Variants in DPP10 observed in about 807,000 individuals in gnomAD.
DPP10 encodes the protein dipeptidyl peptidase like 10.
In DPP10, 33 loss-of-function variants were observed where a neutral mutation model predicts 120.9. The observed-to-expected ratio is 0.27, with a 90% CI of 0.21 to 0.37. The LOEUF is 0.37. DPP10 is among the 10% of genes least tolerant of loss of function. The probability of loss-of-function intolerance (pLI) is 1.00; values close to 1 mark genes in which losing one functional copy is unlikely to be tolerated. For missense variants in DPP10, 816 were observed against 942.8 expected (o/e 0.87, Z 1.76); for synonymous variants, 337 against 326.1 (o/e 1.03, Z -0.36).
At chr2:114,863,581 C>G (rs1247962089) in intron 1 of DPP10, among the ~76,000 whole-genome samples, 2 of 152,082 alleles carry the variant, frequency 1.3e-5, no homozygotes, top group South Asian at 4.1e-4. Flanking sequence ...GATCCAACAC[C>G]AGACACATGG....
At chr2:114,497,292 TA>T in intron 1 of DPP10, among the ~76,000 whole-genome samples, 1 of 56,210 alleles carries the variant, frequency 1.8e-5, no homozygotes, top group African/African-American at 5.3e-5. Context: ...TGTATACATG[TA>T]CATGTATACG....
intron 1 of DPP10, among the ~76,000 whole-genome samples, chr2:114,908,277 T>A (rs1007183092): frequency 6.6e-6 from 1 of 152,024 alleles, no homozygotes; most frequent in Non-Finnish European, 1.5e-5. Flanking sequence ...TCACTCTTGA[T>A]TGGATTATTC....
intron 13 of DPP10, among the ~76,000 whole-genome samples, chr2:115,774,785 TTC>T (rs1681897591): frequency 6.6e-6 from 1 of 152,006 alleles, no homozygotes; most frequent in South Asian, 2.1e-4. Flanking sequence ...CAAAGGAAGA[TTC>T]TGTTAGTACA....
At chr2:115,382,190 C>T (rs2066436510) in intron 3 of DPP10, among the ~76,000 whole-genome samples, 1 of 152,172 alleles carries the variant, frequency 6.6e-6, no homozygotes, top group Non-Finnish European at 1.5e-5. Context: ...TCTCAGACTG[C>T]TGTGCTATCA....
chr2:115,535,365 A>G (rs1200131528), intron 5 of DPP10, among the ~76,000 whole-genome samples: 1 of 151,862 alleles, frequency 6.6e-6, no homozygotes, highest in African/African-American at 2.4e-5. Context: ...TTTATTAAAT[A>G]GGGAATCCTT....
chr2:115,473,684 C>A (rs1360395880), intron 3 of DPP10, among the ~76,000 whole-genome samples: 1 of 152,172 alleles, frequency 6.6e-6, no homozygotes, highest in Non-Finnish European at 1.5e-5. Flanking sequence ...TTTTATGTAA[C>A]ACTCTAGAAA....
chr2:114,692,384 G>A (rs1316290000), intron 1 of DPP10, among the ~76,000 whole-genome samples: 1 of 151,892 alleles, frequency 6.6e-6, no homozygotes, highest in African/African-American at 2.4e-5. Context: ...TCCATTTGAT[G>A]GTGTGGCTTT....
chr2:115,530,903 T>G (rs1459344100), intron 5 of DPP10, among the ~76,000 whole-genome samples: 7 of 152,196 alleles, frequency 4.6e-5, no homozygotes, highest in Non-Finnish European at 1.0e-4. Context: ...TGAAGACCAT[T>G]GAATTTAAGT....
chr2:115,191,536 A>T (rs2105229875), intron 1 of DPP10, among the ~76,000 whole-genome samples: 1 of 152,328 alleles, frequency 6.6e-6, no homozygotes, highest in African/African-American at 2.4e-5. Flanking sequence ...CCAGCAATAG[A>T]GTGAGGAAAG....
intron 1 of DPP10, among the ~76,000 whole-genome samples, chr2:114,467,159 C>T (rs533422732): frequency 2.6e-5 from 4 of 151,986 alleles, no homozygotes; most frequent in Non-Finnish European, 1.5e-5. Context: ...AAAGAGGCAA[C>T]CTTACACTTT....
At chr2:115,304,962 T>C (rs985053508) in intron 1 of DPP10, among the ~76,000 whole-genome samples, 1 of 152,074 alleles carries the variant, frequency 6.6e-6, no homozygotes, top group Non-Finnish European at 1.5e-5. Context: ...GTAATGTAAA[T>C]AGTTAGGTTA....
In DPP10 at chr2:115,525,213, C is replaced by T. The variant is rs7597568; in HGVS notation, c.367-685C>T. 3.5e-3 allele frequency among the ~76,000 whole-genome samples: 532 copies of T among 152,154 alleles called. 2 individuals are homozygous for T. The highest frequency in any genetic ancestry group is 0.012 in the African/African-American group (493 of 41,544). On this transcript the variant is annotated intron_variant, in intron 4 of 25. Transcript: ENST00000410059. ...TCAATGTGCTTGCCCTCTCTTTAGA[C>T]GTGAATTAGACAAATATCTCTATTT... is the stretch of plus-strand genomic sequence containing the variant.
At chr2:115,709,283 T>C (rs1559057643) in intron 7 of DPP10, among the ~76,000 whole-genome samples, 2 of 152,064 alleles carry the variant, frequency 1.3e-5, no homozygotes, top group African/African-American at 4.8e-5. Flanking sequence ...CTTGAGTAGC[T>C]GTAACTGCCA....
Position 115,814,790 on chromosome 2 carries a change from C to G in DPP10, c.1701-3C>G. ...TTTTGGTCCAATATGTTGGTATTTG[C>G]AGGGATGAAGAACCAGGAGGCCAGC... On this transcript the variant is annotated splice_polypyrimidine_tract_variant and splice_region_variant and intron_variant, in intron 19 of 25. Transcript: ENST00000410059. 6.5e-7 allele frequency: 1 copy of G among 1,531,118 alleles called. No homozygotes were observed. Among genetic ancestry groups the G allele is most frequent in the Non-Finnish European group, 8.9e-7 (1 of 1,123,928 alleles). The allele number at this position is 1,531,118 out of a possible 1,614,324, so 94.8% of individuals were successfully genotyped here.
In DPP10 at chr2:115,844,752, G is replaced by GA. The variant is rs1317038529; in HGVS notation, c.*2414dup. The GA allele has an allele frequency of 2.0e-5, 3 of 151,968 alleles. No individual in the cohort carries two copies. Among genetic ancestry groups the GA allele is most frequent in the Admixed American group, 1.3e-4 (2 of 15,248 alleles). 9.4% of individuals were successfully genotyped at this position (151,968 alleles called of 1,614,324 possible). A position where few individuals can be genotyped will look rare whatever the true frequency, so the allele number is the denominator to read the frequency against. On this transcript the variant is annotated 3_prime_UTR_variant, in exon 26 of 26. Transcript: ENST00000410059. ...GTGTTATTATTCCCTTAATGTTAAA[G>GA]AAAAAAATCAATATATTGAATTCTT...
chr2:114,839,417 A>G (rs933335048), intron 1 of DPP10, among the ~76,000 whole-genome samples: 3 of 152,206 alleles, frequency 2.0e-5, no homozygotes, highest in Admixed American at 6.5e-5. Context: ...TATGTACATT[A>G]AATTCTATTA....
intron 1 of DPP10, among the ~76,000 whole-genome samples, chr2:114,841,650 A>C (rs1170907496): frequency 6.6e-6 from 1 of 152,162 alleles, no homozygotes; most frequent in Non-Finnish European, 1.5e-5. Context: ...GGACTGAAAG[A>C]AACTTGAAAT....
At chr2:115,649,132 C>G (rs1259271448) in intron 5 of DPP10, among the ~76,000 whole-genome samples, 1 of 151,960 alleles carries the variant, frequency 6.6e-6, no homozygotes, top group Admixed American at 6.6e-5. Flanking sequence ...AGTGCAATAG[C>G]AAGAATGAGA....
At chr2:115,468,586 G>T in intron 3 of DPP10, 1 of 393,870 alleles carries the variant, frequency 2.5e-6, no homozygotes, top group South Asian at 2.0e-5. Context: ...ATGGTGGCCC[G>T]GGGAGTTCTG....
Sources: allele counts gnomAD v4.1 joint callset (sites outside exome capture counted in the v4.1 genomes callset), GRCh38; gene constraint gnomAD v4.1.1; transcripts MANE v1.5; gene names NCBI Gene and HGNC (gene_info 2026-07-23, HGNC 2026-07-21).